Variants in FOXP1 observed in about 807,000 individuals in gnomAD.
FOXP1 encodes the protein forkhead box P1.
Under a neutral mutation model 98.2 loss-of-function variants are expected in FOXP1, and 15 were observed. That is an observed-to-expected ratio of 0.15 (90% CI 0.10 to 0.24). The LOEUF is 0.24. FOXP1 is among the 10% of genes least tolerant of loss of function. The pLI, the probability that FOXP1 is intolerant of heterozygous loss-of-function variation, is 1.00. For missense variants in FOXP1, 633 were observed against 848.5 expected, an observed-to-expected ratio of 0.75 and a Z score of 3.15; for synonymous variants, 371 against 314.5, an observed-to-expected ratio of 1.18 and a Z score of -1.90.
chr3:71,496,192 C>G (rs1055078795), intron 2 of FOXP1, among the ~76,000 whole-genome samples: 3 of 152,172 alleles, frequency 2.0e-5, no homozygotes. Flanking sequence ...TGGATGAGGT[C>G]ATGCACTGTC....
intron 3 of FOXP1, among the ~76,000 whole-genome samples, chr3:71,454,871 C>G (rs2087316235): frequency 1.3e-5 from 2 of 152,044 alleles, no homozygotes; most frequent in Non-Finnish European, 2.9e-5. Context: ...CACTGGCACT[C>G]AGGTAGTCCT....
intron 2 of FOXP1, among the ~76,000 whole-genome samples, chr3:71,508,906 A>T (rs2042010700): frequency 6.6e-6 from 1 of 152,182 alleles, no homozygotes; most frequent in African/African-American, 2.4e-5. Flanking sequence ...TGAAGAGGGC[A>T]ACAGCTCATA....
intron 12 of FOXP1, among the ~76,000 whole-genome samples, chr3:71,010,065 C>T (rs1306915683): frequency 6.6e-6 from 1 of 151,796 alleles, no homozygotes; most frequent in Non-Finnish European, 1.5e-5. Context: ...CCTGGTGTAC[C>T]TTTTAATTCT....
intron 5 of FOXP1, among the ~76,000 whole-genome samples, chr3:71,275,581 G>A (rs899013753): frequency 1.3e-5 from 2 of 152,146 alleles, no homozygotes; most frequent in African/African-American, 2.4e-5. Context: ...AGACAAGCAG[G>A]TGTCTTTGAT....
At chr3:71,241,672 C>A (rs1298997303) in intron 5 of FOXP1, among the ~76,000 whole-genome samples, 1 of 152,098 alleles carries the variant, frequency 6.6e-6, no homozygotes, top group African/African-American at 2.4e-5. Flanking sequence ...CTGAAGCAGT[C>A]GAAGAAAGGG....
At chr3:71,555,813 G>A (rs1401044099) in intron 2 of FOXP1, among the ~76,000 whole-genome samples, 2 of 151,990 alleles carry the variant, frequency 1.3e-5, no homozygotes, top group Non-Finnish European at 2.9e-5. Flanking sequence ...AATAATTCTA[G>A]AACTGCGATT....
intron 6 of FOXP1, among the ~76,000 whole-genome samples, chr3:71,180,488 T>C (rs577441522): frequency 1.4e-4 from 22 of 152,004 alleles, no homozygotes; most frequent in South Asian, 1.2e-3. Flanking sequence ...GAAAAAAAAA[T>C]AGACATGCCA....
rs190863333 is a variant in FOXP1, at chr3:71,232,071, C to T, written c.-11-33679G>A. Among the ~76,000 whole-genome samples the T allele has an allele frequency of 2.6e-5, 4 of 152,296 alleles. No individual in the cohort carries two copies. The East Asian group carries it at 7.7e-4, about 29-fold the overall frequency. Reference sequence around the variant, plus strand: ...GGGTTGTCTGTCTCTCTTGTCAGGTCACATCTGAAGAAAGAGCATGTGTTT... The same window carrying T: ...GGGTTGTCTGTCTCTCTTGTCAGGTTACATCTGAAGAAAGAGCATGTGTTT... On this transcript the variant is annotated intron_variant, in intron 5 of 20. Coordinates refer to ENST00000649528, the MANE Select transcript of FOXP1 (RefSeq NM_001349338.3).
intron 19 of FOXP1, 136 bp downstream of exon 19, chr3:70,970,600 G>C: frequency 5.0e-6 from 4 of 804,372 alleles, no homozygotes; most frequent in Non-Finnish European, 8.8e-6. Flanking sequence ...CAGGGAGTAT[G>C]ATGCTTTGTG....
intron 3 of FOXP1, among the ~76,000 whole-genome samples, chr3:71,457,978 G>A (rs114944622): frequency 0.016 from 2,388 of 152,126 alleles, 66 homozygotes; most frequent in African/African-American, 0.054. Context: ...CCAGCACCAC[G>A]CACCAATTTC....
At chr3:70,972,417 A>G (rs1360392379) in intron 18 of FOXP1, 138 bp downstream of exon 18, 1 of 1,288,164 alleles carries the variant, frequency 7.8e-7, no homozygotes, top group Non-Finnish European at 1.1e-6. Flanking sequence ...GAGGGATGAA[A>G]TGCTTTTTTG....
At chr3:71,007,171 T>C (rs985470151) in intron 12 of FOXP1, among the ~76,000 whole-genome samples, 18 of 152,290 alleles carry the variant, frequency 1.2e-4, no homozygotes, top group African/African-American at 4.3e-4. Flanking sequence ...AAAAAATGCA[T>C]GATAAGTAGA....
chr3:71,260,772 G>A (rs2069062899), intron 5 of FOXP1, among the ~76,000 whole-genome samples: 1 of 151,914 alleles, frequency 6.6e-6, no homozygotes, highest in African/African-American at 2.4e-5. Flanking sequence ...TCGAACTCCT[G>A]ACCTTGTGAT....
At chr3:71,129,544 G>T (rs895591399) in intron 6 of FOXP1, among the ~76,000 whole-genome samples, 1 of 152,074 alleles carries the variant, frequency 6.6e-6, no homozygotes, top group Non-Finnish European at 1.5e-5. Context: ...GATCAAAAGA[G>T]CTTATTTTCC....
intron 2 of FOXP1, among the ~76,000 whole-genome samples, chr3:71,566,887 C>T (rs2046954883): frequency 6.6e-6 from 1 of 152,074 alleles, no homozygotes; most frequent in Admixed American, 6.5e-5. Flanking sequence ...ATAATCTCAT[C>T]ACACCCCATC....
intron 6 of FOXP1, among the ~76,000 whole-genome samples, chr3:71,132,738 C>T (rs2059632931): frequency 6.6e-6 from 1 of 152,122 alleles, no homozygotes; most frequent in South Asian, 2.1e-4. Flanking sequence ...AATGTACAAA[C>T]CAATTTTTAA....
intron 6 of FOXP1, among the ~76,000 whole-genome samples, chr3:71,126,272 C>G (rs906358824): frequency 6.6e-6 from 1 of 151,292 alleles, no homozygotes; most frequent in Non-Finnish European, 1.5e-5. Context: ...ATCACCAGGT[C>G]AGGAGATCGA....
chr3:71,164,880 A>G (rs1185673051), intron 6 of FOXP1, among the ~76,000 whole-genome samples: 2 of 152,236 alleles, frequency 1.3e-5, no homozygotes, highest in Non-Finnish European at 2.9e-5. Context: ...CCAGCGCATT[A>G]TACTTGAAAT....
intron 3 of FOXP1, among the ~76,000 whole-genome samples, chr3:71,472,672 T>C (rs987144211): frequency 3.9e-5 from 6 of 152,146 alleles, no homozygotes; most frequent in South Asian, 2.1e-4. Context: ...CAAGCTCCCA[T>C]TTTACTCCTA....
Sources: gnomAD v4.1 joint callset for allele counts (sites outside exome capture counted in the v4.1 genomes callset) on GRCh38, gnomAD v4.1.1 for gene constraint, MANE v1.5 for transcripts, NCBI Gene and HGNC (gene_info 2026-07-23, HGNC 2026-07-21) for gene names.